The following ZFP62 variants were observed in gnomAD, a reference collection of about 807,000 sequenced individuals.
The protein encoded by ZFP62 is ZFP62 zinc finger protein, also known as zinc finger protein 62 homolog.
In ZFP62, 44 loss-of-function variants were observed where a neutral mutation model predicts 56.4. That is an observed-to-expected ratio of 0.78 (90% confidence interval 0.61 to 1.00). ZFP62 has a LOEUF of 1.00. Ranked by LOEUF, ZFP62 falls within the 50% of genes least tolerant of loss-of-function variation. ZFP62 has a pLI of 0.00. For missense variants in ZFP62, 1,030 were observed against 1,085.7 expected, an observed-to-expected ratio of 0.95 and a Z score of 0.72; for synonymous variants, 421 against 388.9, an observed-to-expected ratio of 1.08 and a Z score of -0.97.
the ZFP62 span, among the ~76,000 whole-genome samples, chr5:180,827,958 C>A: frequency 6.6e-6 from 1 of 152,194 alleles, no homozygotes; most frequent in Non-Finnish European, 1.5e-5. Context: ...GTCTATGATG[C>A]AAAGACCTTT....
chr5:180,861,119 C>T (rs901942081), intron 1 of ZFP62, 100 bp downstream of exon 1: 4 of 398,696 alleles, frequency 1.0e-5, no homozygotes, highest in Non-Finnish European at 1.8e-5. Flanking sequence ...TCCCACATCC[C>T]GCCCGAGACC....
At chr5:180,827,074 A>G in the ZFP62 span, among the ~76,000 whole-genome samples, 2 of 152,238 alleles carry the variant, frequency 1.3e-5, no homozygotes, top group Admixed American at 1.3e-4. Context: ...TCTTCTAGTT[A>G]GGCCACTGTC....
downstream of ZFP62, chr5:180,845,755 C>T (rs1773398396): frequency 1.0e-6 from 1 of 985,390 alleles, no homozygotes. Context: ...CTGCCTTCAG[C>T]TAACACCATC....
At chr5:180,858,997 T>C (rs1413191091) in intron 1 of ZFP62, among the ~76,000 whole-genome samples, 6 of 152,218 alleles carry the variant, frequency 3.9e-5, no homozygotes, top group Admixed American at 3.9e-4. Flanking sequence ...TCATGCTTTA[T>C]CGCCAAGGCC....
chr5:180,852,652 G>T (rs1309289011), intron 1 of ZFP62, among the ~76,000 whole-genome samples: 2 of 151,506 alleles, frequency 1.3e-5, no homozygotes, highest in African/African-American at 4.9e-5. Context: ...ATATAAAAAA[G>T]CTGTACAAAT....
At position 180,850,605 on chromosome 5, in the gene ZFP62, C is replaced by T. The variant is rs1324184487; in HGVS notation, c.890G>A (p.Arg297Lys). Residue 297 changes from arginine (R) to lysine (K), a missense_variant, in exon 2 of 2, where the codon AGG (arginine) becomes AAG (lysine). Transcript: ENST00000502412. ...ACCTGTGTGGATCCTTTTATGGACCCTAAGGCCAGAGCTGTTACTGAAGGT... is the reference window on the plus strand; with the variant it reads ...ACCTGTGTGGATCCTTTTATGGACCTTAAGGCCAGAGCTGTTACTGAAGGT... ...GKTFSNSSGL[R>K]VHKRIHTGEK... The T allele has an allele frequency of 1.3e-6, 2 of 1,564,322 alleles. No individual in the cohort carries two copies. The highest frequency in any genetic ancestry group is 3.9e-5 in the Admixed American group (2 of 51,916).
the ZFP62 span, among the ~76,000 whole-genome samples, chr5:180,833,498 G>T: frequency 7.2e-6 from 1 of 139,358 alleles, no homozygotes; most frequent in Admixed American, 7.1e-5. Flanking sequence ...AAAAAAAAAA[G>T]AGAACAGAGA....
chr5:180,850,181 T>C lies in ZFP62; in HGVS notation c.1314A>G (p.Gln438=). 1.3e-6 allele frequency: 2 copies of C among 1,551,894 alleles called. No individual in the cohort carries two copies. Among genetic ancestry groups the C allele is most frequent in the East Asian group, 2.4e-5 (1 of 40,920 alleles). The stretch of plus-strand genomic sequence containing the variant: ...TCTCTCCGGTATGAATAGTTCTGTG[T>C]TGAAGAAGTAGTGAGTTATAACTAA... The part of the protein sequence containing the change: ...KSFSYNSLLL[Q]HRTIHTGERP... The change falls in exon 2 of 2, where the codon CAA becomes CAG. Residue 438 remains glutamine, a synonymous_variant. Coordinates refer to ENST00000502412, the MANE Select transcript of ZFP62 (RefSeq NM_001172638.2).
chr5:180,835,095 A>G, the ZFP62 span: 1 of 152,260 alleles, frequency 6.6e-6, no homozygotes, highest in South Asian at 2.1e-4. Context: ...GGCTTGGTCT[A>G]AGTTGGAAGG....
At chr5:180,846,528 A>G (rs1773416891), downstream of ZFP62, among the ~76,000 whole-genome samples, 2 of 152,160 alleles carry the variant, frequency 1.3e-5, no homozygotes, top group African/African-American at 2.4e-5. Context: ...TCCTGCCCAC[A>G]CATCAGCCCT....
At chr5:180,857,084 A>AC (rs1225455537) in intron 1 of ZFP62, among the ~76,000 whole-genome samples, 2 of 151,906 alleles carry the variant, frequency 1.3e-5, no homozygotes, top group African/African-American at 2.4e-5. Context: ...ACTGGTGTTC[A>AC]CCCCCCGAAG....
the ZFP62 span, among the ~76,000 whole-genome samples, chr5:180,839,229 G>A: frequency 1.3e-5 from 2 of 152,180 alleles, no homozygotes; most frequent in Admixed American, 6.5e-5. Context: ...TAAAGGCCTG[G>A]TATAGAGCAG....
chr5:180,844,752 G>C (rs1773377381), downstream of ZFP62, among the ~76,000 whole-genome samples: 1 of 152,136 alleles, frequency 6.6e-6, no homozygotes, highest in African/African-American at 2.4e-5. Context: ...TACCACTCAG[G>C]AACATCCAAA....
In ZFP62 at chr5:180,848,011, T is replaced by A. The variant is rs1581957526; in HGVS notation, c.*781A>T. ...CACGGTAGAACCTTTTATTGTAGCATAATGTGTGAATACCACTTCCAGGTT... is the reference window on the plus strand; with the variant it reads ...CACGGTAGAACCTTTTATTGTAGCAAAATGTGTGAATACCACTTCCAGGTT... On this transcript the variant is annotated 3_prime_UTR_variant, in exon 2 of 2. Transcript: ENST00000502412. 1.0e-6 allele frequency: 1 copy of A among 985,334 alleles called. No individual in the cohort carries two copies. Among genetic ancestry groups the A allele is most frequent in the African/African-American group, 1.7e-5 (1 of 57,240 alleles). The allele number at this position is 985,334 out of a possible 1,614,324, so 61.0% of individuals were successfully genotyped here. A position where few individuals can be genotyped will look rare whatever the true frequency, so the allele number is the denominator to read the frequency against.
At chr5:180,838,635 A>G in the ZFP62 span, among the ~76,000 whole-genome samples, 4 of 152,258 alleles carry the variant, frequency 2.6e-5, no homozygotes, top group African/African-American at 9.6e-5. Context: ...TCATATCAGA[A>G]GCTTATTCTC....
At chr5:180,857,872 A>G (rs529479142) in intron 1 of ZFP62, among the ~76,000 whole-genome samples, 2 of 151,812 alleles carry the variant, frequency 1.3e-5, no homozygotes, top group African/African-American at 2.4e-5. Flanking sequence ...AAATATTTCA[A>G]TCAGGAAAAA....
the ZFP62 span, among the ~76,000 whole-genome samples, chr5:180,836,040 A>T: frequency 6.6e-6 from 1 of 152,222 alleles, no homozygotes; most frequent in Non-Finnish European, 1.5e-5. Context: ...ACAGTTGCCT[A>T]CAGTATTCAG....
At chr5:180,845,394 G>A (rs1486570471), downstream of ZFP62, among the ~76,000 whole-genome samples, 1 of 132,200 alleles carries the variant, frequency 7.6e-6, no homozygotes, top group African/African-American at 2.9e-5. Flanking sequence ...TTAGTTACTT[G>A]CCTAAAGTCA....
downstream of ZFP62, among the ~76,000 whole-genome samples, chr5:180,847,096 T>C (rs1297182588): frequency 2.0e-5 from 3 of 152,304 alleles, no homozygotes; most frequent in Non-Finnish European, 4.4e-5. Context: ...GCTACAGAGA[T>C]AGGAGTCCCA....
Sources: gnomAD v4.1 joint callset for allele counts (sites outside exome capture counted in the v4.1 genomes callset) on GRCh38, gnomAD v4.1.1 for gene constraint, MANE v1.5 for transcripts, NCBI Gene and HGNC (gene_info 2026-07-23, HGNC 2026-07-21) for gene names.